PIK3AP1: variants seen among roughly 807,000 people sequenced by gnomAD.
The protein encoded by PIK3AP1 is phosphoinositide-3-kinase adaptor protein 1, also known as phosphoinositide 3-kinase adapter protein 1.
A neutral mutation model predicts 88.1 loss-of-function variants in PIK3AP1; 21 were observed. That is an observed-to-expected ratio of 0.24 (90% confidence interval 0.17 to 0.34). PIK3AP1 has a LOEUF of 0.34. Ranked by LOEUF, PIK3AP1 falls within the 10% of genes least tolerant of loss-of-function variation. The probability of loss-of-function intolerance (pLI) is 1.00; values close to 1 mark genes in which losing one functional copy is unlikely to be tolerated. For missense variants in PIK3AP1, 828 were observed against 1,035.7 expected (o/e 0.80, Z 2.75); for synonymous variants, 398 against 400.0 (o/e 1.00, Z 0.06).
chr10:96,603,872 C>A, intron 15 of PIK3AP1, 107 bp downstream of exon 15: 2 of 1,032,572 alleles, frequency 1.9e-6, no homozygotes, highest in Admixed American at 3.0e-5. Context: ...AAATGGAATC[C>A]TATAATATAT....
At chr10:96,613,030 G>A (rs529864057) in intron 13 of PIK3AP1, among the ~76,000 whole-genome samples, 13 of 115,570 alleles carry the variant, frequency 1.1e-4, no homozygotes, top group South Asian at 2.8e-4. Context: ...ACAGAGTCTC[G>A]CACTGTCGCC....
At chr10:96,716,618 T>C (rs1470026479) in intron 1 of PIK3AP1, among the ~76,000 whole-genome samples, 6 of 152,252 alleles carry the variant, frequency 3.9e-5, no homozygotes, top group Non-Finnish European at 8.8e-5. Context: ...AATATAGGAC[T>C]AAATGCTTTG....
At chr10:96,642,466 G>GAAAA (rs55650790) in intron 8 of PIK3AP1, among the ~76,000 whole-genome samples, 79,329 of 139,712 alleles carry the variant, frequency 0.57, 22,894 homozygotes, top group Non-Finnish European at 0.63. Context: ...AAGAAAAAAA[G>GAAAA]AGAAAGAAAG....
chr10:96,614,672 AC>A (rs1322189373), intron 13 of PIK3AP1, among the ~76,000 whole-genome samples: 6 of 152,074 alleles, frequency 3.9e-5, no homozygotes, highest in Admixed American at 3.9e-4. Context: ...AAGATAACTG[AC>A]TCATTAGCTA....
In PIK3AP1 at chr10:96,672,009, A is replaced by G. The variant is rs1350069227; in HGVS notation, c.431-15075T>C. Among the ~76,000 whole-genome samples, 3 of 152,174 alleles carry G rather than the reference A, an allele frequency of 2.0e-5. No individual in the cohort carries two copies. The East Asian group carries it at 5.8e-4, about 29-fold the overall frequency. On this transcript the variant is annotated intron_variant, in intron 2 of 16. Transcript: ENST00000339364. ...GCCCATGATTGTGCCACTGCACTCCAGCCTGGGAAACAAAGTGACACCCTG... is the reference window on the plus strand; with the variant it reads ...GCCCATGATTGTGCCACTGCACTCCGGCCTGGGAAACAAAGTGACACCCTG...
At chr10:96,698,555 A>G (rs1844251892) in intron 2 of PIK3AP1, among the ~76,000 whole-genome samples, 1 of 152,008 alleles carries the variant, frequency 6.6e-6, no homozygotes, top group Non-Finnish European at 1.5e-5. Flanking sequence ...TAAAAACTAA[A>G]CTAAAAACTA....
intron 2 of PIK3AP1, among the ~76,000 whole-genome samples, chr10:96,703,119 CTG>C (rs1198887437): frequency 6.6e-6 from 1 of 152,226 alleles, no homozygotes; most frequent in African/African-American, 2.4e-5. Context: ...CTCAAGCAAT[CTG>C]TTCCCCGCAG....
chr10:96,603,964 A>C lies in PIK3AP1; in HGVS notation c.2241+15T>G. 1 of 1,584,720 alleles carries C rather than the reference A, an allele frequency of 6.3e-7. No individual in the cohort carries two copies. Among genetic ancestry groups the C allele is most frequent in the Non-Finnish European group, 8.6e-7 (1 of 1,159,926 alleles). ...CCCTAGGACAGGATAGGTGGGGTGG[A>C]GTCCCAGCTCTCACCTCGTTGTCCC... On this transcript the variant is annotated intron_variant, in intron 15 of 16. Transcript: ENST00000339364.
chr10:96,671,709 A>G (rs1056465303), intron 2 of PIK3AP1, among the ~76,000 whole-genome samples: 2 of 152,116 alleles, frequency 1.3e-5, no homozygotes, highest in Non-Finnish European at 2.9e-5. Flanking sequence ...CAAAAAGATA[A>G]GGCAGAGTCC....
chr10:96,705,282 G>A (rs532079096), intron 2 of PIK3AP1, among the ~76,000 whole-genome samples: 1 of 152,266 alleles, frequency 6.6e-6, no homozygotes, highest in East Asian at 1.9e-4. Context: ...TGGTGAAAAG[G>A]GGAACTTCTT....
At chr10:96,640,165 A>G (rs1018551694) in intron 8 of PIK3AP1, among the ~76,000 whole-genome samples, 1 of 152,234 alleles carries the variant, frequency 6.6e-6, no homozygotes, top group African/African-American at 2.4e-5. Flanking sequence ...GAAAAGTTCA[A>G]TGTAGGGGTA....
chr10:96,682,653 G>A (rs1051444843), intron 2 of PIK3AP1, among the ~76,000 whole-genome samples: 1 of 151,780 alleles, frequency 6.6e-6, no homozygotes, highest in Admixed American at 6.6e-5. Flanking sequence ...TTTTCTTTTC[G>A]CCCCATTAAT....
intron 8 of PIK3AP1, among the ~76,000 whole-genome samples, chr10:96,640,971 G>A (rs746964459): frequency 6.6e-6 from 1 of 152,078 alleles, no homozygotes; most frequent in African/African-American, 2.4e-5. Context: ...CTGATCTGTG[G>A]GGCCTTGATC....
At chr10:96,719,082 T>A (rs536331415) in intron 1 of PIK3AP1, among the ~76,000 whole-genome samples, 1 of 152,308 alleles carries the variant, frequency 6.6e-6, no homozygotes, top group East Asian at 1.9e-4. Context: ...ATTTTCCTTA[T>A]TAAGTGTATA....
At chr10:96,628,889 C>CATATACAT (rs1554955371) in intron 8 of PIK3AP1, among the ~76,000 whole-genome samples, 5,611 of 60,388 alleles carry the variant, frequency 0.093, 942 homozygotes, top group Admixed American at 0.22. Flanking sequence ...TATATATATA[C>CATATACAT]ATATATATAT....
Position 96,709,977 on chromosome 10 carries a change from G to A in PIK3AP1, c.20C>T (p.Pro7Leu), listed in dbSNP as rs73334383. The A allele has an allele frequency of 1.9e-3, 3,045 of 1,582,994 alleles. 49 individuals carry two copies. The African/African-American group carries it at 0.034, about 17-fold the overall frequency. MAASGV[P>L]RGCDILIVYS... ...GACGATGAGGATGTCGCATCCTCTG[G>A]GCACCCCTGGACAAGAATGAGGCAC... The change falls in exon 2 of 17, where the codon CCC becomes CTC. Residue 7 changes from proline (P) to leucine (L), a missense_variant. By Grantham distance (98) the Pro-to-Leu change is moderately conservative. This residue lies in a region of PIK3AP1 where 610 missense variants were observed against 760.1 expected (regional missense o/e 0.80). Coordinates refer to ENST00000339364, the MANE Select transcript of PIK3AP1 (RefSeq NM_152309.3).
rs1365634858 is a variant in PIK3AP1 at position 96,602,377 on chromosome 10, T to A, written c.2263A>T (p.Thr755Ser). ...DNEDNEVPEV[T>S]RSRSPGPPQV... Reference sequence around the variant, plus strand: ...GGGGGGCCTGGACTGCGACTTCTGGTAACCTCAGGGACTTCATTATCCTAC... The same window carrying A: ...GGGGGGCCTGGACTGCGACTTCTGGAAACCTCAGGGACTTCATTATCCTAC... The change falls in exon 16 of 17, where the codon ACC becomes TCC. Residue 755 changes from threonine (T) to serine (S), a missense_variant. Coordinates refer to ENST00000339364, the MANE Select transcript of PIK3AP1 (RefSeq NM_152309.3). The A allele has an allele frequency of 6.2e-7, 1 of 1,612,418 alleles. No homozygotes were observed. Among genetic ancestry groups the A allele is most frequent in the Non-Finnish European group, 8.5e-7 (1 of 1,178,816 alleles).
At chr10:96,629,954 G>GAAA (rs1843223056) in intron 8 of PIK3AP1, among the ~76,000 whole-genome samples, 1 of 76,602 alleles carries the variant, frequency 1.3e-5, no homozygotes, top group Non-Finnish European at 3.0e-5. Flanking sequence ...AGAAGAAGAA[G>GAAA]AAGAAAGGAA....
intron 2 of PIK3AP1, among the ~76,000 whole-genome samples, chr10:96,671,956 T>A (rs1843852943): frequency 6.6e-6 from 1 of 152,100 alleles, no homozygotes; most frequent in African/African-American, 2.4e-5. Context: ...GAGGCTCACC[T>A]GAGCCCAAGG....
Sources: gnomAD v4.1 joint callset for allele counts (sites outside exome capture counted in the v4.1 genomes callset) on GRCh38, gnomAD v4.1.1 for gene constraint, gnomAD v4.1.1 regional missense constraint, MANE v1.5 for transcripts, NCBI Gene and HGNC (gene_info 2026-07-23, HGNC 2026-07-21) for gene names.